MTMR7: variants seen among roughly 807,000 people sequenced by gnomAD.
MTMR7 encodes the protein myotubularin related protein 7, also known as phosphatidylinositol-3-phosphate phosphatase MTMR7.
MTMR7 carries 76 observed loss-of-function variants against 81.2 expected under a neutral mutation model. The ratio of observed to expected loss-of-function variants is 0.94; its 90% CI spans 0.78 to 1.13. MTMR7 has a LOEUF of 1.13. MTMR7 is among the 50% of genes most tolerant of loss of function. The pLI, the probability that MTMR7 is intolerant of heterozygous loss-of-function variation, is 0.00. For synonymous variants in MTMR7, 372 were observed against 289.8 expected (o/e 1.28, Z -2.88); for missense variants, 1,044 against 820.0 (o/e 1.27, Z -3.34).
chr8:17,309,386 C>A, intron 9 of MTMR7, 60 bp from the exon 10 acceptor site: 1 of 1,154,620 alleles, frequency 8.7e-7, no homozygotes, highest in Non-Finnish European at 1.3e-6. Flanking sequence ...AGAGACCACA[C>A]AACCAATAAT....
intron 5 of MTMR7, among the ~76,000 whole-genome samples, chr8:17,344,466 C>G (rs1819496658): frequency 2.0e-5 from 3 of 152,098 alleles, no homozygotes; most frequent in Admixed American, 2.0e-4. Context: ...CAAAAATTAG[C>G]CAGGAGTGGT....
intron 1 of MTMR7, among the ~76,000 whole-genome samples, chr8:17,396,461 G>GA: frequency 6.6e-6 from 1 of 152,256 alleles, no homozygotes; most frequent in Non-Finnish European, 1.5e-5. Flanking sequence ...GCTACTTGAG[G>GA]ACTTGGCATT....
chr8:17,300,744 C>T (rs1193689288), intron 13 of MTMR7, among the ~76,000 whole-genome samples: 1 of 152,206 alleles, frequency 6.6e-6, no homozygotes, highest in East Asian at 1.9e-4. Flanking sequence ...CGAAAGAAAA[C>T]CCCATACTCA....
chr8:17,303,537 A>G (rs1170883446), intron 12 of MTMR7, among the ~76,000 whole-genome samples: 2 of 152,080 alleles, frequency 1.3e-5, no homozygotes, highest in African/African-American at 4.8e-5. Flanking sequence ...GAAAAAACAT[A>G]CGTATCTAGC....
At position 17,413,332 on chromosome 8, in the gene MTMR7, T is replaced by G. The variant is rs1239223939; in HGVS notation, c.-40A>C. On this transcript the variant is annotated 5_prime_UTR_variant, in exon 1 of 14. Coordinates refer to ENST00000180173, the MANE Select transcript of MTMR7 (RefSeq NM_004686.5). ...TGCAGGGTCCCGGGCGGGCGCGGCCTCACGCACCTGCGCGCCTCTGCGGCG... is the reference window on the plus strand; with the variant it reads ...TGCAGGGTCCCGGGCGGGCGCGGCCGCACGCACCTGCGCGCCTCTGCGGCG... The G allele has an allele frequency of 2.0e-6, 3 of 1,515,690 alleles. No individual in the cohort carries two copies. The highest frequency in any genetic ancestry group is 1.4e-5 in the African/African-American group (1 of 69,552). The allele number at this position is 1,515,690 out of a possible 1,614,324, so 93.9% of individuals were successfully genotyped here.
chr8:17,301,122 A>C (rs935278646), intron 13 of MTMR7, among the ~76,000 whole-genome samples: 1 of 152,258 alleles, frequency 6.6e-6, no homozygotes, highest in Non-Finnish European at 1.5e-5. Context: ...GTATTCATTC[A>C]AAACCATTCA....
At chr8:17,367,226 A>G (rs937383630) in intron 3 of MTMR7, among the ~76,000 whole-genome samples, 1 of 152,210 alleles carries the variant, frequency 6.6e-6, no homozygotes, top group Non-Finnish European at 1.5e-5. Flanking sequence ...ACTGGGGACT[A>G]AAATACTAAA....
chr8:17,396,158 G>T (rs986412612), intron 1 of MTMR7, among the ~76,000 whole-genome samples: 1 of 151,318 alleles, frequency 6.6e-6, no homozygotes, highest in Non-Finnish European at 1.5e-5. Flanking sequence ...AAACTATGGG[G>T]ATGGAAAGAG....
chr8:17,408,781 C>G (rs557472810), intron 1 of MTMR7, among the ~76,000 whole-genome samples: 1 of 152,224 alleles, frequency 6.6e-6, no homozygotes, highest in Admixed American at 6.5e-5. Flanking sequence ...ATATTATCAT[C>G]AAGCCTAACT....
At chr8:17,384,817 A>G (rs1321361379) in intron 1 of MTMR7, among the ~76,000 whole-genome samples, 1 of 152,234 alleles carries the variant, frequency 6.6e-6, no homozygotes, top group Non-Finnish European at 1.5e-5. Context: ...TGTTTTTCCA[A>G]AAGGAGTATT....
chr8:17,320,384 G>A (rs73666113), intron 7 of MTMR7, among the ~76,000 whole-genome samples: 2,883 of 152,136 alleles, frequency 0.019, 110 homozygotes, highest in African/African-American at 0.066. Flanking sequence ...ATAGCAAGAC[G>A]GAGGGTGTGG....
At chr8:17,402,461 T>C (rs1821455145) in intron 1 of MTMR7, among the ~76,000 whole-genome samples, 1 of 152,090 alleles carries the variant, frequency 6.6e-6, no homozygotes, top group Admixed American at 6.6e-5. Context: ...TGTCTCCATG[T>C]GTTCAATTGT....
intron 3 of MTMR7, among the ~76,000 whole-genome samples, chr8:17,365,372 G>C (rs1466365150): frequency 6.6e-6 from 1 of 152,038 alleles, no homozygotes; most frequent in East Asian, 1.9e-4. Context: ...TTGTTATGCA[G>C]AAGCTTCTTA....
chr8:17,348,992 C>T lies in MTMR7; in HGVS notation c.558G>A (p.Arg186=). Residue 186 remains arginine (R), a synonymous_variant, in exon 5 of 14, where the codon CGG becomes CGA. Coordinates refer to ENST00000180173, the MANE Select transcript of MTMR7 (RefSeq NM_004686.5). ...IVGSSKFRSR[R]RFPVLSYYYK... is the part of the protein sequence containing the mutation. ...AATAGTAAGAAAGGACAGGAAATCG[C>T]CGTCTACTCCGGAATTTGGAACTCC... 1 of 1,613,522 alleles carries T rather than the reference C, an allele frequency of 6.2e-7. No homozygotes were observed. Among genetic ancestry groups the T allele is most frequent in the Middle Eastern group, 1.6e-4 (1 of 6,062 alleles).
In MTMR7 at chr8:17,406,628, TTC is replaced by T. The variant is rs1490167218; in HGVS notation, c.24+6639_24+6640del. Among the ~76,000 whole-genome samples the T allele has an allele frequency of 2.6e-5, 4 of 152,296 alleles. No homozygotes were observed. The South Asian group carries it at 8.3e-4, about 32-fold the overall frequency. ...TTGCTATACGATTCACCAAATTCTG[TTC>T]TCAGAGAAATGAAATTCTATCCAAG... On this transcript the variant is annotated intron_variant, in intron 1 of 13. Coordinates refer to ENST00000180173, the MANE Select transcript of MTMR7 (RefSeq NM_004686.5).
intron 1 of MTMR7, among the ~76,000 whole-genome samples, chr8:17,389,142 C>T (rs1299780608): frequency 1.3e-5 from 2 of 152,144 alleles, no homozygotes; most frequent in African/African-American, 4.8e-5. Flanking sequence ...CACCTCCAGC[C>T]TGACACCCAA....
intron 1 of MTMR7, among the ~76,000 whole-genome samples, chr8:17,398,058 T>G (rs1463072246): frequency 3.3e-5 from 5 of 152,176 alleles, no homozygotes; most frequent in Non-Finnish European, 7.4e-5. Flanking sequence ...CTTGAATACC[T>G]GGAAGGTTCC....
chr8:17,393,717 G>GA (rs1361595422), intron 1 of MTMR7, among the ~76,000 whole-genome samples: 1 of 152,090 alleles, frequency 6.6e-6, no homozygotes, highest in African/African-American at 2.4e-5. Context: ...CGAGGGGAGG[G>GA]AGAACATCAG....
chr8:17,308,271 TCTC>T (rs1817593114), intron 10 of MTMR7, among the ~76,000 whole-genome samples: 1 of 152,226 alleles, frequency 6.6e-6, no homozygotes, highest in East Asian at 1.9e-4. Flanking sequence ...CTGTCATCTG[TCTC>T]CTATCTTGGA....
Sources: allele counts gnomAD v4.1 joint callset (sites outside exome capture counted in the v4.1 genomes callset), GRCh38; gene constraint gnomAD v4.1.1; transcripts MANE v1.5; gene names NCBI Gene and HGNC (gene_info 2026-07-23, HGNC 2026-07-21).